Variants in TTC28 observed in about 807,000 individuals in gnomAD.
TTC28 encodes tetratricopeptide repeat domain 28.
In TTC28, 61 loss-of-function variants were observed where a neutral mutation model predicts 198.0. The ratio of observed to expected loss-of-function variants is 0.31; its 90% CI spans 0.25 to 0.38. The LOEUF (loss-of-function observed/expected upper bound fraction) is 0.38. TTC28 is among the 10% of genes least tolerant of loss of function. The probability of loss-of-function intolerance (pLI) is 1.00; values close to 1 mark genes in which losing one functional copy is unlikely to be tolerated. For synonymous variants in TTC28, 1,171 were observed against 1,297.8 expected (o/e 0.90, Z 2.10); for missense variants, 2,678 against 3,164.0 (o/e 0.85, Z 3.69).
chr22:28,306,548 A>G lies in TTC28; in HGVS notation c.477T>C (p.Ser159=), dbSNP rs553172222. 1.0e-5 allele frequency: 16 copies of G among 1,549,888 alleles called. No homozygotes were observed. In the African/African-American group the frequency reaches 2.1e-4, roughly 20 times the overall value. The change falls in exon 3 of 23, where the codon AGT becomes AGC. Residue 159 remains serine, a synonymous_variant. Transcript: ENST00000397906. The part of the protein sequence containing the change: ...FASGLAQDPK[S]LQLLVGMVEA... ...CCACCATCCCCACCAGAAGCTGGAG[A>G]CTCTTGGGGTCTTGAGCCAGTCCAG...
intron 4 of TTC28, among the ~76,000 whole-genome samples, chr22:28,296,994 A>C (rs1396599007): frequency 6.6e-6 from 1 of 152,208 alleles, no homozygotes; most frequent in African/African-American, 2.4e-5. Flanking sequence ...ACGCATCCTA[A>C]TGAAGGAAAA....
chr22:28,187,262 G>A (rs1353577886), intron 5 of TTC28, among the ~76,000 whole-genome samples: 2 of 152,142 alleles, frequency 1.3e-5, no homozygotes, highest in African/African-American at 4.8e-5. Context: ...AGCCTGGAAA[G>A]AAGTGAAAAA....
intron 2 of TTC28, among the ~76,000 whole-genome samples, chr22:28,553,499 G>C (rs1601557938): frequency 6.6e-6 from 1 of 150,760 alleles, no homozygotes; most frequent in Non-Finnish European, 1.5e-5. Flanking sequence ...GAGGCGAGGA[G>C]CGTCTCTGCC....
chr22:28,644,291 G>C (rs1247692488), intron 1 of TTC28, among the ~76,000 whole-genome samples: 3 of 151,448 alleles, frequency 2.0e-5, no homozygotes, highest in East Asian at 3.9e-4. Flanking sequence ...CCCAGCTACT[G>C]AGGAGGCTGA....
chr22:27,992,912 C>T (rs2146524944), intron 18 of TTC28: 1 of 567,838 alleles, frequency 1.8e-6, no homozygotes, highest in East Asian at 2.9e-5. Flanking sequence ...TCCCAGGACC[C>T]AGGCAGCACC....
chr22:28,071,835 T>C lies in TTC28; in HGVS notation c.3932+22245A>G, dbSNP rs1200302337. ...CATATTTTTGGAAGTGACAGATCCTTAAATCAATTCTGTCTCTCCCTGCTT... is the reference window on the plus strand; with the variant it reads ...CATATTTTTGGAAGTGACAGATCCTCAAATCAATTCTGTCTCTCCCTGCTT... On this transcript the variant is annotated intron_variant, in intron 12 of 22. Transcript: ENST00000397906. 2.0e-5 allele frequency among the ~76,000 whole-genome samples: 3 copies of C among 151,928 alleles called. No individual in the cohort carries two copies. In the South Asian group the frequency reaches 6.2e-4, roughly 32 times the overall value.
chr22:28,298,703 G>A (rs963242010), intron 3 of TTC28, among the ~76,000 whole-genome samples: 8 of 151,996 alleles, frequency 5.3e-5, no homozygotes, highest in Non-Finnish European at 7.4e-5. Context: ...CTCCCACCTC[G>A]ACCTCCCAAA....
At chr22:28,193,268 C>A (rs562920009) in intron 5 of TTC28, among the ~76,000 whole-genome samples, 31 of 152,176 alleles carry the variant, frequency 2.0e-4, no homozygotes, top group South Asian at 6.2e-4. Context: ...GCCTGCCTTA[C>A]AAGAGCTCCT....
At chr22:28,237,017 C>G (rs2147243160) in intron 5 of TTC28, among the ~76,000 whole-genome samples, 1 of 152,292 alleles carries the variant, frequency 6.6e-6, no homozygotes, top group Non-Finnish European at 1.5e-5. Flanking sequence ...AAACCTGGAA[C>G]TCCATTTCTC....
rs568908224 is a variant in TTC28 at position 28,590,197 on chromosome 22, G to A, written c.381+39355C>T. Among the ~76,000 whole-genome samples, 181 of 146,986 alleles carry A rather than the reference G, an allele frequency of 1.2e-3. 2 individuals carry two copies. Among genetic ancestry groups the A allele is most frequent in the South Asian group, 1.1e-3 (5 of 4,624 alleles). ...GGCTGGAGTGCAGCGGCGCAATCTCGGCTCACTGCAAGCTCCACTTCCCAG... is the reference window on the plus strand; with the variant it reads ...GGCTGGAGTGCAGCGGCGCAATCTCAGCTCACTGCAAGCTCCACTTCCCAG... On this transcript the variant is annotated intron_variant, in intron 2 of 22. Transcript: ENST00000397906.
intron 2 of TTC28, among the ~76,000 whole-genome samples, chr22:28,337,899 A>G (rs150565506): frequency 0.017 from 2,653 of 152,108 alleles, 77 homozygotes; most frequent in African/African-American, 0.061. Flanking sequence ...TTAGCTGGTT[A>G]TTTTGCTCGT....
intron 2 of TTC28, among the ~76,000 whole-genome samples, chr22:28,345,212 A>G (rs967515422): frequency 6.6e-6 from 1 of 152,140 alleles, no homozygotes; most frequent in African/African-American, 2.4e-5. Context: ...AAATCCCACA[A>G]CAGCCGCAAA....
intron 6 of TTC28, among the ~76,000 whole-genome samples, chr22:28,134,175 A>T (rs935408260): frequency 1.5e-4 from 23 of 152,310 alleles, no homozygotes; most frequent in African/African-American, 4.6e-4. Context: ...AAACTAACAA[A>T]CAGAAAGGAC....
At position 27,990,015 on chromosome 22, in the gene TTC28, A is replaced by G; in HGVS notation, c.5578-8T>C. ...AACCAGCACCTGGTGGAGCTGAGGA[A>G]GGGGGGACAGCGTGAGCACCCTGTG... On this transcript the variant is annotated splice_region_variant and splice_polypyrimidine_tract_variant and intron_variant, in intron 20 of 22. Transcript: ENST00000397906. The G allele has an allele frequency of 6.5e-7, 1 of 1,549,328 alleles. No homozygotes were observed. The highest frequency in any genetic ancestry group is 8.7e-7 in the Non-Finnish European group (1 of 1,145,604).
intron 5 of TTC28, among the ~76,000 whole-genome samples, chr22:28,232,140 C>G (rs1928856780): frequency 6.6e-6 from 1 of 152,170 alleles, no homozygotes; most frequent in Non-Finnish European, 1.5e-5. Context: ...GCCATAGCTG[C>G]TCATGAAGTA....
chr22:28,536,705 G>C (rs994502234), intron 2 of TTC28, among the ~76,000 whole-genome samples: 2 of 152,190 alleles, frequency 1.3e-5, no homozygotes, highest in Admixed American at 6.5e-5. Context: ...CGGAAAGACT[G>C]AATGCCATGA....
At position 28,163,356 on chromosome 22, in the gene TTC28, C is replaced by T. The variant is rs1921464541; in HGVS notation, c.1177G>A (p.Glu393Lys). ...CCCAGGTTGCTATAAGCCCGGGCCT[C>T]TTCTCGCTTGTTCCCCAGGTCCTTG... is the stretch of plus-strand genomic sequence containing the variant. ...IAKDLGNKREEARAYSNLGSA... is the reference protein window; with the variant it reads ...IAKDLGNKREKARAYSNLGSA... Residue 393 changes from glutamate to lysine, a missense_variant, in exon 6 of 23, where the codon GAG becomes AAG. By Grantham distance (56) the Glu-to-Lys change is moderately conservative (BLOSUM62 1). Around this residue, in one of 8 missense-constraint regions of TTC28, gnomAD observed 775 missense variants for 845.9 expected, o/e 0.92. Transcript: ENST00000397906. The T allele has an allele frequency of 6.4e-7, 1 of 1,552,108 alleles. No homozygotes were observed. Among genetic ancestry groups the T allele is most frequent in the Non-Finnish European group, 8.7e-7 (1 of 1,147,082 alleles).
chr22:28,366,916 C>G (rs570009332), intron 2 of TTC28, among the ~76,000 whole-genome samples: 1 of 151,914 alleles, frequency 6.6e-6, no homozygotes, highest in Admixed American at 6.6e-5. Context: ...GCACCCAACA[C>G]CAGAGCACCA....
At chr22:28,432,276 ACT>A (rs780677440) in intron 2 of TTC28, among the ~76,000 whole-genome samples, 2 of 151,832 alleles carry the variant, frequency 1.3e-5, no homozygotes, top group African/African-American at 2.4e-5. Flanking sequence ...ACAGAGCGAG[ACT>A]CTGTCTCAAA....
Sources: gnomAD v4.1 joint callset for allele counts (sites outside exome capture counted in the v4.1 genomes callset) on GRCh38, gnomAD v4.1.1 for gene constraint, gnomAD v4.1.1 regional missense constraint, MANE v1.5 for transcripts, NCBI Gene and HGNC (gene_info 2026-07-23, HGNC 2026-07-21) for gene names.